The following TSPAN8 variants were observed in gnomAD, a reference collection of about 807,000 sequenced individuals.
TSPAN8 encodes the protein tetraspanin-8.
A neutral mutation model predicts 32.8 loss-of-function variants in TSPAN8; 21 were observed. The observed-to-expected ratio is 0.64, with a 90% CI of 0.45 to 0.92. The LOEUF (loss-of-function observed/expected upper bound fraction) is 0.92. Among genes scored for constraint, TSPAN8 ranks in the 40% least tolerant of loss-of-function variants. The pLI, the probability that TSPAN8 is intolerant of heterozygous loss-of-function variation, is 0.00. For missense variants in TSPAN8, 269 were observed against 281.9 expected, an observed-to-expected ratio of 0.95 and a Z score of 0.33; for synonymous variants, 95 against 94.6, an observed-to-expected ratio of 1.00 and a Z score of -0.03.
intron 3 of TSPAN8, among the ~76,000 whole-genome samples, chr12:71,140,649 A>G (rs1871874458): frequency 1.3e-5 from 2 of 152,234 alleles, no homozygotes; most frequent in Non-Finnish European, 2.9e-5. Flanking sequence ...CCCATCAGGC[A>G]TAATTCAGTT....
intron 8 of TSPAN8, among the ~76,000 whole-genome samples, chr12:71,126,263 C>G (rs1303755375): frequency 2.6e-5 from 4 of 152,174 alleles, no homozygotes; most frequent in Admixed American, 6.5e-5. Flanking sequence ...GAACTGCTAA[C>G]CAATCTTTCT....
rs1871844085 is a variant in TSPAN8, at chr12:71,139,864, G to C, written c.124-16C>G. On this transcript the variant is annotated splice_polypyrimidine_tract_variant and intron_variant, in intron 3 of 8. Coordinates refer to ENST00000247829, the MANE Select transcript of TSPAN8 (RefSeq NM_004616.3). The stretch of plus-strand genomic sequence containing the variant: ...AACCAAAAATCTGAAGTAAAAAAGA[G>C]ATTAATGGCAGAAAATTTATTTCCT... The C allele has an allele frequency of 1.3e-6, 2 of 1,588,706 alleles. No homozygotes were observed. Among genetic ancestry groups the C allele is most frequent in the Non-Finnish European group, 1.7e-6 (2 of 1,169,596 alleles).
intron 7 of TSPAN8, 65 bp downstream of exon 7, chr12:71,132,628 G>T: frequency 3.2e-6 from 5 of 1,548,282 alleles, no homozygotes; most frequent in South Asian, 1.2e-5. Context: ...TTTTTTGTAG[G>T]GACTTTAATT....
intron 6 of TSPAN8, among the ~76,000 whole-genome samples, chr12:71,134,895 T>C (rs1871631392): frequency 6.6e-6 from 1 of 152,168 alleles, no homozygotes; most frequent in Non-Finnish European, 1.5e-5. Flanking sequence ...AAGAAGAAGC[T>C]GGTCAGGACT....
At chr12:71,152,929 C>T (rs2137061808) in intron 2 of TSPAN8, among the ~76,000 whole-genome samples, 1 of 152,346 alleles carries the variant, frequency 6.6e-6, no homozygotes, top group Middle Eastern at 3.4e-3. Flanking sequence ...CCTGGACTCT[C>T]TCCAAGTTCA....
intron 2 of TSPAN8, 139 bp downstream of exon 2, chr12:71,157,480 A>G (rs1370242157): frequency 3.5e-5 from 21 of 602,870 alleles, no homozygotes; most frequent in Admixed American, 1.2e-4. Context: ...GAAAGAACAA[A>G]CAAATCCAAA....
chr12:71,125,118 T>C lies in TSPAN8; in HGVS notation c.*216A>G, dbSNP rs1871309711. ...CACCAACGTAAACAGTTACTTTTATTTTGAGTAAAAATACACATTCATATC... is the reference window on the plus strand; with the variant it reads ...CACCAACGTAAACAGTTACTTTTATCTTGAGTAAAAATACACATTCATATC... On this transcript the variant is annotated 3_prime_UTR_variant, in exon 9 of 9. Coordinates refer to ENST00000247829, the MANE Select transcript of TSPAN8 (RefSeq NM_004616.3). 1 of 460,882 alleles carries C rather than the reference T, an allele frequency of 2.2e-6. No individual in the cohort carries two copies. Among genetic ancestry groups the C allele is most frequent in the South Asian group, 3.5e-5 (1 of 28,566 alleles). 28.5% of individuals were successfully genotyped at this position (460,882 alleles called of 1,614,324 possible).
intron 2 of TSPAN8, among the ~76,000 whole-genome samples, chr12:71,148,329 T>G (rs563392282): frequency 4.5e-4 from 69 of 152,338 alleles, no homozygotes; most frequent in African/African-American, 1.6e-3. Context: ...TGTTTCATTG[T>G]CTTCTGACTT....
At chr12:71,155,529 T>C (rs754817041) in intron 2 of TSPAN8, among the ~76,000 whole-genome samples, 15 of 152,094 alleles carry the variant, frequency 9.9e-5, no homozygotes, top group Admixed American at 2.0e-4. Context: ...CAGATTAAAA[T>C]AGACATGAAA....
At chr12:71,157,844 C>T (rs780426781) in intron 1 of TSPAN8, 57 bp from the exon 2 acceptor site, 2 of 583,822 alleles carry the variant, frequency 3.4e-6, no homozygotes, top group South Asian at 2.4e-5. Flanking sequence ...AGTTATTAAA[C>T]TGGATAAAAA....
intron 2 of TSPAN8, among the ~76,000 whole-genome samples, chr12:71,154,258 C>T (rs1211684083): frequency 5.9e-5 from 9 of 151,272 alleles, no homozygotes; most frequent in South Asian, 2.1e-4. Context: ...TGCAGTGACC[C>T]GAGATCATGC....
Position 71,132,937 on chromosome 12 carries a change from C to T in TSPAN8, c.445-113G>A, listed in dbSNP as rs539173427. The T allele has an allele frequency of 1.8e-5, 22 of 1,216,038 alleles. No individual in the cohort carries two copies. In the East Asian group the frequency reaches 3.4e-4, roughly 19 times the overall value. The allele number at this position is 1,216,038 out of a possible 1,614,324, so 75.3% of individuals were successfully genotyped here. A position where few individuals can be genotyped will look rare whatever the true frequency, so the allele number is the denominator to read the frequency against. Reference sequence around the variant, plus strand: ...TATTAAAGGTTATTATGCTAAAATACCATGTAAGTCACCTTTCACCTTTCT... The same window carrying T: ...TATTAAAGGTTATTATGCTAAAATATCATGTAAGTCACCTTTCACCTTTCT... On this transcript the variant is annotated intron_variant, in intron 6 of 8. Transcript: ENST00000247829.
chr12:71,154,328 A>ATAATAC (rs1872355499), intron 2 of TSPAN8, among the ~76,000 whole-genome samples: 1 of 147,512 alleles, frequency 6.8e-6, no homozygotes, highest in Non-Finnish European at 1.5e-5. Flanking sequence ...AATAATAATA[A>ATAATAC]TAATAATAAT....
intron 2 of TSPAN8, among the ~76,000 whole-genome samples, chr12:71,153,029 G>C (rs1872307738): frequency 6.6e-6 from 1 of 152,154 alleles, no homozygotes; most frequent in Non-Finnish European, 1.5e-5. Flanking sequence ...TCCTCCCTAT[G>C]ACTCATTTGG....
intron 2 of TSPAN8, among the ~76,000 whole-genome samples, chr12:71,147,781 A>C (rs1872123450): frequency 3.3e-5 from 5 of 152,242 alleles, no homozygotes; most frequent in Admixed American, 3.3e-4. Context: ...ACTAGAAAAG[A>C]CAACAAAGTC....
intron 4 of TSPAN8, chr12:71,139,058 A>G (rs528037362): frequency 1.5e-3 from 696 of 454,700 alleles, no homozygotes; most frequent in Non-Finnish European, 2.6e-3. Flanking sequence ...ATCCTCCTCA[A>G]TGCTCTCTAA....
At chr12:71,129,780 G>T (rs1172308786) in intron 7 of TSPAN8, among the ~76,000 whole-genome samples, 1 of 151,984 alleles carries the variant, frequency 6.6e-6, no homozygotes, top group East Asian at 1.9e-4. Flanking sequence ...CAACATAAAA[G>T]TATAAATCAT....
chr12:71,151,393 T>A (rs1296112860), intron 2 of TSPAN8, among the ~76,000 whole-genome samples: 1 of 152,192 alleles, frequency 6.6e-6, no homozygotes, highest in Non-Finnish European at 1.5e-5. Context: ...GCACTCAATA[T>A]AACTGCTGCA....
At chr12:71,137,444 C>T (rs1354855867) in intron 6 of TSPAN8, among the ~76,000 whole-genome samples, 3 of 149,996 alleles carry the variant, frequency 2.0e-5, no homozygotes, top group African/African-American at 7.6e-5. Flanking sequence ...ACTAAAAATA[C>T]AAAAAATGAG....
Sources: allele counts gnomAD v4.1 joint callset (sites outside exome capture counted in the v4.1 genomes callset), GRCh38; gene constraint gnomAD v4.1.1; transcripts MANE v1.5; gene names NCBI Gene and HGNC (gene_info 2026-07-23, HGNC 2026-07-21).